DHX40: variants seen among roughly 807,000 people sequenced by gnomAD.
The protein encoded by DHX40 is probable ATP-dependent RNA helicase DHX40.
Under a neutral mutation model 89.6 loss-of-function variants are expected in DHX40, and 28 were observed. The ratio of observed to expected loss-of-function variants is 0.31; its 90% confidence interval spans 0.23 to 0.43. DHX40 has a LOEUF of 0.43. Ranked by LOEUF, DHX40 falls within the 20% of genes least tolerant of loss-of-function variation. The pLI is 1.00. For missense variants in DHX40, 457 were observed against 844.0 expected (o/e 0.54, Z 5.68); for synonymous variants, 226 against 283.6 (o/e 0.80, Z 2.04).
At position 59,566,715 on chromosome 17, in the gene DHX40, G is replaced by A; in HGVS notation, c.201G>A (p.Arg67=). Residue 67 remains arginine, a synonymous_variant, in exon 2 of 18, where the codon AGG becomes AGA. Transcript: ENST00000251241. ...KQRKKIIQAV[R]DNSFLIVTGN... is the part of the protein sequence containing the mutation. ...GAAAAAAGATTATTCAAGCTGTGAG[G>A]GACAATTCATTCCTTATTGTTACTG... 3 of 1,604,472 alleles carry A rather than the reference G, an allele frequency of 1.9e-6. No individual in the cohort carries two copies. The highest frequency in any genetic ancestry group is 1.1e-5 in the South Asian group (1 of 88,990).
Position 59,565,703 on chromosome 17 carries a change from C to G in DHX40, c.32C>G (p.Ala11Gly). 2.5e-6 allele frequency: 4 copies of G among 1,603,312 alleles called. No homozygotes were observed. Among genetic ancestry groups the G allele is most frequent in the Non-Finnish European group, 3.4e-6 (4 of 1,179,564 alleles). Residue 11 changes from alanine (A) to glycine (G), a missense_variant, in exon 1 of 18, where the codon GCG becomes GGG. This residue lies in a region of DHX40 where 75 missense variants were observed against 76.8 expected (regional missense o/e 0.98). Transcript: ENST00000251241. MSRFPAVAGR[A>G]PRRQEEGERS... ...CGGTTTCCCGCAGTCGCGGGCAGGG[C>G]GCCAAGGCGGCAGGAGGAGGGTGAG...
At chr17:59,565,831 G>A (rs2048696674) in intron 1 of DHX40, 48 bp downstream of exon 1, 1 of 1,479,810 alleles carries the variant, frequency 6.8e-7, no homozygotes, top group East Asian at 2.5e-5. Flanking sequence ...TACGGCGTGG[G>A]GGTTTTGGTG....
chr17:59,580,746 C>T (rs1250175738), intron 10 of DHX40, among the ~76,000 whole-genome samples: 2 of 150,930 alleles, frequency 1.3e-5, no homozygotes. Flanking sequence ...GCCATGATTG[C>T]ACCACTGCGG....
At chr17:59,606,658 A>G (rs1053081914) in intron 17 of DHX40, among the ~76,000 whole-genome samples, 15 of 151,386 alleles carry the variant, frequency 9.9e-5, no homozygotes, top group African/African-American at 3.4e-4. Flanking sequence ...AGGCAGGAGA[A>G]TGGCGTGAAC....
Position 59,608,213 on chromosome 17 carries a change from T to A in DHX40, c.*1041T>A, listed in dbSNP as rs909402701. On this transcript the variant is annotated 3_prime_UTR_variant, in exon 18 of 18. Transcript: ENST00000251241. ...TGTGTATTTGTCTCCCTCACTAGAT[T>A]ATACGCTCCTTGTGGGCAGGGACTG... The A allele has an allele frequency of 6.5e-6, 1 of 153,522 alleles. No individual in the cohort carries two copies. The highest frequency in any genetic ancestry group is 1.5e-5 in the Non-Finnish European group (1 of 68,130). 9.5% of individuals were successfully genotyped at this position (153,522 alleles called of 1,614,324 possible).
At chr17:59,569,414 T>C (rs1392675136) in intron 2 of DHX40, among the ~76,000 whole-genome samples, 1 of 151,686 alleles carries the variant, frequency 6.6e-6, no homozygotes, top group Non-Finnish European at 1.5e-5. Flanking sequence ...TTGGGAAGTG[T>C]GTGGAATTTT....
chr17:59,588,212 T>G (rs2049026831), intron 12 of DHX40, among the ~76,000 whole-genome samples, 159 bp downstream of exon 12: 1 of 122,116 alleles, frequency 8.2e-6, no homozygotes, highest in African/African-American at 3.6e-5. Context: ...TAAAACCCCA[T>G]CTCTACTAAA....
chr17:59,570,803 C>G (rs1004906423), intron 3 of DHX40, 140 bp downstream of exon 3: 19 of 766,798 alleles, frequency 2.5e-5, no homozygotes, highest in Admixed American at 7.9e-5. Context: ...CTACCTCAGC[C>G]CCTTGGGTAG....
At chr17:59,580,634 TAA>T (rs567484118) in intron 10 of DHX40, among the ~76,000 whole-genome samples, 7 of 103,022 alleles carry the variant, frequency 6.8e-5, no homozygotes, top group Admixed American at 9.9e-5. Context: ...TCTCTACAAT[TAA>T]AAAAAAAAAA....
At chr17:59,570,066 A>G (rs985424925) in intron 2 of DHX40, among the ~76,000 whole-genome samples, 1 of 116,146 alleles carries the variant, frequency 8.6e-6, no homozygotes, top group Non-Finnish European at 1.6e-5. Flanking sequence ...TATACATTAT[A>G]TTATAATGTA....
In DHX40 at chr17:59,575,472, G is replaced by A; in HGVS notation, c.973+1G>A. The A allele has an allele frequency of 6.2e-7, 1 of 1,610,816 alleles. No individual in the cohort carries two copies. Among genetic ancestry groups the A allele is most frequent in the Non-Finnish European group, 8.5e-7 (1 of 1,179,008 alleles). ...CCGTGTTATGGATCAATGACAACAGGTAATTTCTCATTAGAATAGAAAATT... is the reference window on the plus strand; with the variant it reads ...CCGTGTTATGGATCAATGACAACAGATAATTTCTCATTAGAATAGAAAATT... On this transcript the variant is annotated splice_donor_variant, in intron 7 of 17. Transcript: ENST00000251241. LOFTEE classifies it high-confidence loss of function.
At chr17:59,565,902 C>T in intron 1 of DHX40, 119 bp downstream of exon 1, 1 of 867,176 alleles carries the variant, frequency 1.2e-6, no homozygotes, top group Non-Finnish European at 1.6e-6. Flanking sequence ...GTGGCGTTCT[C>T]CTGGCTTTCC....
At chr17:59,593,748 C>T (rs1476234705) in intron 12 of DHX40, among the ~76,000 whole-genome samples, 1 of 147,368 alleles carries the variant, frequency 6.8e-6, no homozygotes, top group East Asian at 2.0e-4. Flanking sequence ...TCCCAAAGTG[C>T]TGGGATTACA....
At chr17:59,594,919 C>A (rs979797735) in intron 12 of DHX40, among the ~76,000 whole-genome samples, 1 of 151,840 alleles carries the variant, frequency 6.6e-6, no homozygotes, top group Non-Finnish European at 1.5e-5. Flanking sequence ...TAATCAATCT[C>A]CAGAGACTTT....
chr17:59,565,622 C>A lies in DHX40; in HGVS notation c.-50C>A. The stretch of plus-strand genomic sequence containing the variant: ...AGGGCGCGTCCTCGTCTTTCCCCTC[C>A]CATCTCCTCAGATCGGTGGACGTGC... On this transcript the variant is annotated 5_prime_UTR_variant, in exon 1 of 18. Coordinates refer to ENST00000251241, the MANE Select transcript of DHX40 (RefSeq NM_024612.5). 1 of 1,526,754 alleles carries A rather than the reference C, an allele frequency of 6.5e-7. No individual in the cohort carries two copies. Among genetic ancestry groups the A allele is most frequent in the Non-Finnish European group, 8.9e-7 (1 of 1,129,100 alleles). 94.6% of individuals were successfully genotyped at this position (1,526,754 alleles called of 1,614,324 possible). A position where few individuals can be genotyped will look rare whatever the true frequency, so the allele number is the denominator to read the frequency against.
intron 17 of DHX40, 59 bp downstream of exon 17, chr17:59,605,733 T>C: frequency 6.8e-7 from 1 of 1,463,022 alleles, no homozygotes; most frequent in Middle Eastern, 1.7e-4. Flanking sequence ...CCAGTAGTAC[T>C]TCACTATTTT....
intron 10 of DHX40, among the ~76,000 whole-genome samples, chr17:59,585,768 A>C (rs534777740): frequency 8.2e-6 from 1 of 121,368 alleles, no homozygotes; most frequent in Non-Finnish European, 1.6e-5. Context: ...TATAATTTTC[A>C]GTACTAATTA....
intron 15 of DHX40, 123 bp downstream of exon 15, chr17:59,602,739 T>G: frequency 1.2e-6 from 1 of 849,670 alleles, no homozygotes; most frequent in Non-Finnish European, 1.7e-6. Flanking sequence ...TGACATGAAT[T>G]ACAGTGACGA....
Position 59,605,641 on chromosome 17 carries a change from T to C in DHX40, c.2167T>C (p.Trp723Arg), listed in dbSNP as rs1229374111. The change falls in exon 17 of 18, where the codon TGG becomes CGG. Residue 723 changes from tryptophan (W) to arginine (R), a missense_variant. Transcript: ENST00000251241. Reference sequence around the variant, plus strand: ...AGTGAGAGAAGATGCAAGAAGGAGATGGACAAATAAGGAAAATGTAAAGCA... The same window carrying C: ...AGTGAGAGAAGATGCAAGAAGGAGACGGACAAATAAGGAAAATGTAAAGCA... ...REVREDARRR[W>R]TNKENVKQLK... 1.2e-6 allele frequency: 2 copies of C among 1,613,370 alleles called. No homozygotes were observed. The highest frequency in any genetic ancestry group is 1.7e-5 in the Admixed American group (1 of 59,944).
Sources: allele counts gnomAD v4.1 joint callset (sites outside exome capture counted in the v4.1 genomes callset), GRCh38; gene constraint gnomAD v4.1.1; regional missense constraint gnomAD v4.1.1; transcripts MANE v1.5; gene names NCBI Gene and HGNC (gene_info 2026-07-23, HGNC 2026-07-21).